Variants in PLEK2 observed in about 807,000 individuals in gnomAD.
PLEK2 encodes the protein pleckstrin 2, also known as pleckstrin-2.
Under a neutral mutation model 43.8 loss-of-function variants are expected in PLEK2, and 29 were observed. That is an observed-to-expected ratio of 0.66 (90% CI 0.49 to 0.90). The LOEUF (loss-of-function observed/expected upper bound fraction) is 0.90. Ranked by LOEUF, PLEK2 falls within the 40% of genes least tolerant of loss-of-function variation. The probability of loss-of-function intolerance (pLI) is 0.00; values close to 1 mark genes in which losing one functional copy is unlikely to be tolerated. For missense variants in PLEK2, 398 were observed against 448.1 expected (o/e 0.89, Z 1.01); for synonymous variants, 162 against 173.2 (o/e 0.94, Z 0.51).
chr14:67,397,925 G>A (rs1186464279), intron 1 of PLEK2, 99 bp from the exon 2 acceptor site: 4 of 905,270 alleles, frequency 4.4e-6, no homozygotes, highest in Non-Finnish European at 6.6e-6. Context: ...AGACTGTGCT[G>A]TGGAAATCAG....
intron 3 of PLEK2, among the ~76,000 whole-genome samples, chr14:67,394,635 T>A (rs2085993271): frequency 6.6e-6 from 1 of 152,070 alleles, no homozygotes; most frequent in Non-Finnish European, 1.5e-5. Flanking sequence ...GATTCATACA[T>A]CTTTGATGGG....
At chr14:67,388,325 T>A (rs778168053) in intron 7 of PLEK2, 23 bp from the exon 8 acceptor site, 1 of 1,523,412 alleles carries the variant, frequency 6.6e-7, no homozygotes, top group South Asian at 1.1e-5. Context: ...GGAGACCCAA[T>A]TAGGAATTTG....
At chr14:67,407,881 G>T (rs1233833180) in intron 1 of PLEK2, among the ~76,000 whole-genome samples, 4 of 152,160 alleles carry the variant, frequency 2.6e-5, no homozygotes, top group African/African-American at 9.7e-5. Flanking sequence ...GCTGAGCCAG[G>T]AAGTTCGCTT....
intron 6 of PLEK2, among the ~76,000 whole-genome samples, chr14:67,391,908 A>G (rs1179237692): frequency 6.6e-6 from 1 of 152,196 alleles, no homozygotes; most frequent in East Asian, 1.9e-4. Flanking sequence ...TAGCTCAGAA[A>G]GTGTATCAAG....
At chr14:67,391,269 ATATGTGTGTGTGTGTGTGTG>A (rs2085965131) in intron 6 of PLEK2, among the ~76,000 whole-genome samples, 1 of 139,568 alleles carries the variant, frequency 7.2e-6, no homozygotes, top group African/African-American at 2.9e-5. Flanking sequence ...TAAGCAGCTG[ATATGTGTGTGTGTGTGTGTG>A]TGTGTGTGTG....
rs2085931228 is a variant in PLEK2, at chr14:67,387,150, G to A, written c.*179C>T. 1.9e-6 allele frequency: 1 copy of A among 535,280 alleles called. No individual in the cohort carries two copies. The highest frequency in any genetic ancestry group is 3.2e-6 in the Non-Finnish European group (1 of 314,994). The allele number at this position is 535,280 out of a possible 1,614,324, so 33.2% of individuals were successfully genotyped here. Reference sequence around the variant, plus strand: ...AGCCTTTCCAGGTTTGTAACATGAAGATGGGGAAGGAAATGGCACCACTGC... The same window carrying A: ...AGCCTTTCCAGGTTTGTAACATGAAAATGGGGAAGGAAATGGCACCACTGC... On this transcript the variant is annotated 3_prime_UTR_variant, in exon 9 of 9. Transcript: ENST00000216446.
At chr14:67,398,007 C>A (rs936779414) in intron 1 of PLEK2, 181 bp from the exon 2 acceptor site, 6 of 421,646 alleles carry the variant, frequency 1.4e-5, no homozygotes, top group Non-Finnish European at 2.5e-5. Context: ...TGGCACTGAC[C>A]TTCTAGTTCC....
At chr14:67,390,773 C>G (rs1483142706) in intron 6 of PLEK2, 27 bp from the exon 7 acceptor site, 1 of 1,472,188 alleles carries the variant, frequency 6.8e-7, no homozygotes, top group Non-Finnish European at 9.5e-7. Flanking sequence ...GTTCAAAGCT[C>G]ATTGGTGACA....
chr14:67,408,858 C>G (rs1430660289), intron 1 of PLEK2, among the ~76,000 whole-genome samples: 1 of 152,072 alleles, frequency 6.6e-6, no homozygotes, highest in African/African-American at 2.4e-5. Context: ...ACATATTCAA[C>G]ATCTGCATAA....
chr14:67,401,613 C>T (rs1165471174), intron 1 of PLEK2, among the ~76,000 whole-genome samples: 1 of 152,120 alleles, frequency 6.6e-6, no homozygotes, highest in Non-Finnish European at 1.5e-5. Flanking sequence ...GTGCCATCTG[C>T]AAGCCAAGGA....
chr14:67,409,600 C>A (rs74058418), intron 1 of PLEK2, among the ~76,000 whole-genome samples: 2,473 of 152,234 alleles, frequency 0.016, 80 homozygotes, highest in African/African-American at 0.056. Context: ...TCCCTCTCCC[C>A]ACTCCCCTGA....
intron 1 of PLEK2, among the ~76,000 whole-genome samples, chr14:67,398,348 G>A (rs2086025757): frequency 1.3e-5 from 2 of 151,736 alleles, no homozygotes; most frequent in South Asian, 4.2e-4. Context: ...CCTCAGAAAG[G>A]GATCCTTTCT....
chr14:67,387,563 T>G (rs970097582), intron 8 of PLEK2, 107 bp from the exon 9 acceptor site: 10 of 1,129,146 alleles, frequency 8.9e-6, no homozygotes, highest in Non-Finnish European at 1.0e-5. Context: ...CATACAATGA[T>G]GTATTTATTA....
intron 1 of PLEK2, among the ~76,000 whole-genome samples, chr14:67,398,414 T>C (rs1426101597): frequency 1.3e-5 from 2 of 152,176 alleles, no homozygotes; most frequent in Non-Finnish European, 2.9e-5. Context: ...AGGCTCTCCA[T>C]GTTCACCTGA....
intron 1 of PLEK2, chr14:67,398,086 T>C (rs8005900): frequency 0.12 from 39,616 of 331,460 alleles, 5,477 homozygotes; most frequent in East Asian, 0.42. Context: ...AAAAATCACT[T>C]CCTGTAATCC....
chr14:67,406,177 T>C (rs949155310), intron 1 of PLEK2, among the ~76,000 whole-genome samples: 1 of 150,156 alleles, frequency 6.7e-6, no homozygotes. Flanking sequence ...AAGAATCACT[T>C]GAACCCAGGA....
chr14:67,412,084 C>A lies in PLEK2; in HGVS notation c.-25G>T. 2 of 1,511,376 alleles carry A rather than the reference C, an allele frequency of 1.3e-6. No individual in the cohort carries two copies. The highest frequency in any genetic ancestry group is 8.8e-7 in the Non-Finnish European group (1 of 1,132,678). 93.6% of individuals were successfully genotyped at this position (1,511,376 alleles called of 1,614,324 possible). ...TGTCGCCGCCCGCACGCCAGGGCCA[C>A]CCCAGGTGCGCCTTCCCCGCGCCTC... On this transcript the variant is annotated 5_prime_UTR_variant, in exon 1 of 9. Coordinates refer to ENST00000216446, the MANE Select transcript of PLEK2 (RefSeq NM_016445.3).
intron 6 of PLEK2, 123 bp from the exon 7 acceptor site, chr14:67,390,869 A>C: frequency 1.3e-6 from 1 of 765,922 alleles, no homozygotes; most frequent in Non-Finnish European, 2.4e-6. Flanking sequence ...ACATTCTAAA[A>C]CCAGTCCACA....
intron 1 of PLEK2, among the ~76,000 whole-genome samples, chr14:67,408,295 T>TAAAATA (rs775709332): frequency 8.6e-6 from 1 of 116,716 alleles, no homozygotes. Context: ...TCAAAATAAA[T>TAAAATA]AAATAAAATA....
Sources: allele counts gnomAD v4.1 joint callset (sites outside exome capture counted in the v4.1 genomes callset), GRCh38; gene constraint gnomAD v4.1.1; transcripts MANE v1.5; gene names NCBI Gene and HGNC (gene_info 2026-07-23, HGNC 2026-07-21).